FGF12: variants seen among roughly 807,000 people sequenced by gnomAD.
FGF12 encodes fibroblast growth factor 12B.
A neutral mutation model predicts 23.6 loss-of-function variants in FGF12; 14 were observed. The observed-to-expected ratio is 0.59, with a 90% confidence interval of 0.39 to 0.93. The LOEUF is 0.93. Ranked by LOEUF, FGF12 falls within the 40% of genes least tolerant of loss-of-function variation. The pLI is 0.00. For synonymous variants in FGF12, 62 were observed against 77.3 expected (o/e 0.80, Z 1.04); for missense variants, 175 against 217.8 (o/e 0.80, Z 1.24).
At chr3:192,599,558 C>T (rs1375000835) in intron 2 of FGF12, among the ~76,000 whole-genome samples, 1 of 151,954 alleles carries the variant, frequency 6.6e-6, no homozygotes, top group Non-Finnish European at 1.5e-5. Flanking sequence ...TTGTTATTGC[C>T]ACTATGTAAG....
At chr3:192,303,627 C>A (rs374090484) in intron 4 of FGF12, among the ~76,000 whole-genome samples, 5 of 152,240 alleles carry the variant, frequency 3.3e-5, no homozygotes, top group African/African-American at 1.2e-4. Flanking sequence ...AATTAGATGT[C>A]TGTGTGTTTA....
In FGF12 at chr3:192,397,754, A is replaced by C. The variant is rs1318986738; in HGVS notation, c.14-37216T>G. Among the ~76,000 whole-genome samples the C allele has an allele frequency of 2.0e-5, 3 of 152,172 alleles. No homozygotes were observed. The East Asian group carries it at 5.8e-4, about 29-fold the overall frequency. On this transcript the variant is annotated intron_variant, in intron 2 of 5. Coordinates refer to ENST00000445105, the MANE Select transcript of FGF12 (RefSeq NM_004113.6). The stretch of plus-strand genomic sequence containing the variant: ...GTAGACAGCTAGAGCTATTTGGCTG[A>C]AAACAGAACCTGACACCTATTCTAA...
At chr3:192,373,716 C>G (rs1719347325) in intron 2 of FGF12, among the ~76,000 whole-genome samples, 1 of 152,074 alleles carries the variant, frequency 6.6e-6, no homozygotes, top group South Asian at 2.1e-4. Flanking sequence ...AACACAGATA[C>G]AGGGAACTGC....
intron 2 of FGF12, among the ~76,000 whole-genome samples, chr3:192,369,078 C>A (rs923690906): frequency 5.9e-5 from 9 of 152,106 alleles, no homozygotes; most frequent in African/African-American, 2.2e-4. Context: ...TTGTTTACAC[C>A]CCTGTCTCTG....
At chr3:192,571,063 A>G (rs1712610013) in intron 2 of FGF12, among the ~76,000 whole-genome samples, 1 of 150,716 alleles carries the variant, frequency 6.6e-6, no homozygotes. Context: ...CTCTGCTTTC[A>G]TTTCTACATT....
intron 4 of FGF12, among the ~76,000 whole-genome samples, chr3:192,204,896 G>GA (rs909468628): frequency 8.7e-5 from 13 of 148,930 alleles, no homozygotes; most frequent in East Asian, 2.0e-4. Context: ...CTCAAAAAGA[G>GA]AAAAAAAAAG....
chr3:192,145,934 A>T (rs376355901), intron 5 of FGF12, among the ~76,000 whole-genome samples: 1 of 150,186 alleles, frequency 6.7e-6, no homozygotes, highest in African/African-American at 2.4e-5. Flanking sequence ...TATAAAAAAA[A>T]TTAAAAACTC....
intron 4 of FGF12, among the ~76,000 whole-genome samples, chr3:192,188,347 T>C (rs76683626): frequency 0.025 from 3,851 of 152,222 alleles, 148 homozygotes; most frequent in African/African-American, 0.076. Flanking sequence ...TACGCACGTG[T>C]TTTTGTGTTT....
At position 192,426,291 on chromosome 3, in the gene FGF12, A is replaced by G. The variant is rs144851268; in HGVS notation, c.14-65753T>C. On this transcript the variant is annotated intron_variant, in intron 2 of 5. Coordinates refer to ENST00000445105, the MANE Select transcript of FGF12 (RefSeq NM_004113.6). Reference sequence around the variant, plus strand: ...TTAGCTCTGATAGTCTGTGATTCCAATGTGGTCTCTGGAATGGCCTCTGTT... The same window carrying G: ...TTAGCTCTGATAGTCTGTGATTCCAGTGTGGTCTCTGGAATGGCCTCTGTT... Among the ~76,000 whole-genome samples, 590 of 152,248 alleles carry G rather than the reference A, an allele frequency of 3.9e-3. 3 individuals are homozygous for G. The highest frequency in any genetic ancestry group is 0.014 in the African/African-American group (567 of 41,550).
chr3:192,147,785 A>G (rs1034301253), intron 5 of FGF12, among the ~76,000 whole-genome samples: 1 of 152,094 alleles, frequency 6.6e-6, no homozygotes, highest in African/African-American at 2.4e-5. Context: ...CAGAAATACC[A>G]TAATTTATCC....
At chr3:192,502,997 T>G (rs1162524082) in intron 2 of FGF12, among the ~76,000 whole-genome samples, 1 of 152,262 alleles carries the variant, frequency 6.6e-6, no homozygotes, top group East Asian at 1.9e-4. Context: ...ACAGTCTGTT[T>G]TTTCTTAAGA....
In FGF12 at chr3:192,408,313, G is replaced by A. The variant is rs1040743999; in HGVS notation, c.14-47775C>T. On this transcript the variant is annotated intron_variant, in intron 2 of 5. Coordinates refer to ENST00000445105, the MANE Select transcript of FGF12 (RefSeq NM_004113.6). This position sits in a 1 kb window ranked among gnomAD's most constrained non-coding sequence, Gnocchi z 7.3. ...GCGAGGGCAGGACCTGGGCGGCCAG[G>A]GAAAGGGCAGTCGCGGGGAGGCAGT... 4.1e-6 allele frequency: 6 copies of A among 1,448,556 alleles called. No homozygotes were observed. In the Admixed American group the frequency reaches 8.2e-5, roughly 20 times the overall value. The allele number at this position is 1,448,556 out of a possible 1,614,324, so 89.7% of individuals were successfully genotyped here.
chr3:192,360,364 T>C lies in FGF12; in HGVS notation c.124+64A>G. The C allele has an allele frequency of 8.8e-7, 1 of 1,133,516 alleles. No individual in the cohort carries two copies. Among genetic ancestry groups the C allele is most frequent in the East Asian group, 2.4e-5 (1 of 42,484 alleles). 70.2% of individuals were successfully genotyped at this position (1,133,516 alleles called of 1,614,324 possible). ...TAAGGCAGCTTAGCAATGCTTTAAG[T>C]ATAAGATACACTGGGCCCTACATTT... On this transcript the variant is annotated intron_variant, in intron 3 of 5. Transcript: ENST00000445105. This position sits in a 1 kb window ranked among gnomAD's most constrained non-coding sequence, Gnocchi z 4.3.
At chr3:192,198,319 T>C (rs1030908166) in intron 4 of FGF12, among the ~76,000 whole-genome samples, 5 of 152,146 alleles carry the variant, frequency 3.3e-5, no homozygotes, top group Non-Finnish European at 7.4e-5. Flanking sequence ...CCTTTAAAAC[T>C]GACAAGATTT....
intron 2 of FGF12, among the ~76,000 whole-genome samples, chr3:192,365,431 G>A (rs933702595): frequency 1.3e-5 from 2 of 152,062 alleles, no homozygotes; most frequent in African/African-American, 2.4e-5. Context: ...TCTGAATAAA[G>A]TATGGATTTT....
chr3:192,330,444 T>A (rs1717048386), intron 4 of FGF12, among the ~76,000 whole-genome samples: 1 of 152,088 alleles, frequency 6.6e-6, no homozygotes. Context: ...GGTCAAATCA[T>A]CTTCAACAAG....
chr3:192,167,745 ATATATATATATATATATATATATAAAATT>A (rs1489564703), intron 5 of FGF12, among the ~76,000 whole-genome samples: 1 of 23,418 alleles, frequency 4.3e-5, no homozygotes, highest in Non-Finnish European at 7.8e-5. Context: ...ATATATATAT[ATATATATATATATATATATATATAAAATT>A]TTTTTTTTTT....
intron 3 of FGF12, among the ~76,000 whole-genome samples, chr3:192,349,637 C>A (rs974621308): frequency 6.6e-6 from 1 of 151,896 alleles, no homozygotes; most frequent in Non-Finnish European, 1.5e-5. Flanking sequence ...TGTAACACTG[C>A]GAAAGTGTCT....
intron 2 of FGF12, among the ~76,000 whole-genome samples, chr3:192,395,649 C>T (rs1424694814): frequency 6.6e-6 from 1 of 152,168 alleles, no homozygotes; most frequent in Non-Finnish European, 1.5e-5. Flanking sequence ...GCGGCAGAGA[C>T]AAACAGGTAC....
Sources: gnomAD v4.1 joint callset for allele counts (sites outside exome capture counted in the v4.1 genomes callset) on GRCh38, gnomAD v4.1.1 for gene constraint, Gnocchi (gnomAD v3.1) non-coding constraint, MANE v1.5 for transcripts, NCBI Gene and HGNC (gene_info 2026-07-23, HGNC 2026-07-21) for gene names.